Variants in GPR158 observed in about 807,000 individuals in gnomAD.
GPR158 encodes the protein metabotropic glycine receptor.
A neutral mutation model predicts 78.2 loss-of-function variants in GPR158; 30 were observed. That is an observed-to-expected ratio of 0.38 (90% CI 0.29 to 0.52). The LOEUF (loss-of-function observed/expected upper bound fraction) is 0.52. GPR158 is among the 20% of genes least tolerant of loss of function. The pLI, the probability that GPR158 is intolerant of heterozygous loss-of-function variation, is 0.83. For missense variants in GPR158, 1,463 were observed against 1,523.5 expected, an observed-to-expected ratio of 0.96 and a Z score of 0.66; for synonymous variants, 581 against 591.1, an observed-to-expected ratio of 0.98 and a Z score of 0.25.
chr10:25,328,642 A>G (rs187266935), intron 2 of GPR158, among the ~76,000 whole-genome samples: 315 of 152,192 alleles, frequency 2.1e-3, no homozygotes, highest in Non-Finnish European at 3.4e-3. Flanking sequence ...AAATGAATCA[A>G]TTGGCCGGGC....
At chr10:25,508,874 G>A (rs1272560232) in intron 5 of GPR158, among the ~76,000 whole-genome samples, 1 of 152,190 alleles carries the variant, frequency 6.6e-6, no homozygotes, top group African/African-American at 2.4e-5. Context: ...TTTAGCCACA[G>A]GGAGTCCATT....
intron 6 of GPR158, among the ~76,000 whole-genome samples, chr10:25,552,759 T>G (rs1000519223): frequency 1.4e-4 from 22 of 152,344 alleles, no homozygotes; most frequent in Non-Finnish European, 3.1e-4. Context: ...TGACTCACTG[T>G]GCTGTACCTC....
At chr10:25,209,563 C>A (rs1360223723) in intron 1 of GPR158, among the ~76,000 whole-genome samples, 1 of 152,122 alleles carries the variant, frequency 6.6e-6, no homozygotes, top group African/African-American at 2.4e-5. Context: ...TAGGGACACA[C>A]ACACACAATT....
chr10:25,212,776 C>T (rs1022950368), intron 1 of GPR158, among the ~76,000 whole-genome samples: 6 of 151,590 alleles, frequency 4.0e-5, no homozygotes, highest in Middle Eastern at 3.2e-3. Context: ...GGAGTACAGG[C>T]GCCCGCCACC....
At chr10:25,275,285 A>C (rs1854168672) in intron 2 of GPR158, among the ~76,000 whole-genome samples, 1 of 152,158 alleles carries the variant, frequency 6.6e-6, no homozygotes, top group African/African-American at 2.4e-5. Flanking sequence ...AAGGTTTTTG[A>C]AGTCCACCCC....
chr10:25,183,533 G>A (rs946060730), intron 1 of GPR158, among the ~76,000 whole-genome samples: 3 of 151,994 alleles, frequency 2.0e-5, no homozygotes, highest in Non-Finnish European at 4.4e-5. Context: ...TGTACAAGGT[G>A]GCAGCTTCTG....
At chr10:25,538,511 T>C (rs537294545) in intron 5 of GPR158, among the ~76,000 whole-genome samples, 1 of 152,298 alleles carries the variant, frequency 6.6e-6, no homozygotes, top group African/African-American at 2.4e-5. Flanking sequence ...AGATGGGTTT[T>C]CACTATACTG....
chr10:25,268,154 C>T (rs1854067262), intron 2 of GPR158, among the ~76,000 whole-genome samples: 2 of 151,974 alleles, frequency 1.3e-5, no homozygotes, highest in Non-Finnish European at 2.9e-5. Flanking sequence ...TTTTTGAATA[C>T]TCTCTATATA....
intron 1 of GPR158, among the ~76,000 whole-genome samples, chr10:25,191,289 G>A (rs774296825): frequency 6.6e-5 from 10 of 152,202 alleles, no homozygotes; most frequent in Non-Finnish European, 1.2e-4. Flanking sequence ...GGGAGTTGGT[G>A]ACCATCACTT....
chr10:25,280,488 T>G (rs1312758182), intron 2 of GPR158, among the ~76,000 whole-genome samples: 1 of 152,180 alleles, frequency 6.6e-6, no homozygotes, highest in Non-Finnish European at 1.5e-5. Flanking sequence ...ATTGATAGAA[T>G]TTCTTGGAGA....
At chr10:25,552,721 C>T (rs923027415) in intron 6 of GPR158, among the ~76,000 whole-genome samples, 5 of 152,184 alleles carry the variant, frequency 3.3e-5, no homozygotes, top group African/African-American at 1.2e-4. Flanking sequence ...CCGTCATTCT[C>T]TCCACACATA....
rs546188413 is a variant in GPR158, at chr10:25,285,364, A to C, written c.1008+64207A>C. ...GGAGATTTAGTGGGGGGATTGGCTCATGTGATTATGGAGGCCTCAGCCTCA... is the reference window on the plus strand; with the variant it reads ...GGAGATTTAGTGGGGGGATTGGCTCCTGTGATTATGGAGGCCTCAGCCTCA... On this transcript the variant is annotated intron_variant, in intron 2 of 10. Coordinates refer to ENST00000376351, the MANE Select transcript of GPR158 (RefSeq NM_020752.3). Among the ~76,000 whole-genome samples the C allele has an allele frequency of 3.9e-5, 6 of 152,108 alleles. No individual in the cohort carries two copies. In the South Asian group the frequency reaches 1.0e-3, roughly 26 times the overall value.
At chr10:25,333,738 T>C (rs1315064805) in intron 2 of GPR158, among the ~76,000 whole-genome samples, 1 of 152,216 alleles carries the variant, frequency 6.6e-6, no homozygotes, top group Admixed American at 6.5e-5. Flanking sequence ...TCAGCAGTTG[T>C]CTACCAATAT....
At chr10:25,273,698 G>A (rs1854146914) in intron 2 of GPR158, among the ~76,000 whole-genome samples, 1 of 151,492 alleles carries the variant, frequency 6.6e-6, no homozygotes. Flanking sequence ...TTATTTTTTT[G>A]AGACAGGTTT....
chr10:25,306,992 C>T (rs1854686083), intron 2 of GPR158, among the ~76,000 whole-genome samples: 1 of 147,740 alleles, frequency 6.8e-6, no homozygotes, highest in South Asian at 2.1e-4. Context: ...GTCACACACA[C>T]ACACACATAC....
At chr10:25,282,154 T>C (rs1413686562) in intron 2 of GPR158, among the ~76,000 whole-genome samples, 1 of 152,160 alleles carries the variant, frequency 6.6e-6, no homozygotes, top group African/African-American at 2.4e-5. Flanking sequence ...CCTAGACCCC[T>C]GGTAACCACT....
chr10:25,335,645 G>A (rs1855187555), intron 2 of GPR158, among the ~76,000 whole-genome samples: 2 of 151,966 alleles, frequency 1.3e-5, no homozygotes. Context: ...CTGAAGGAAT[G>A]GCTATTGTAA....
intron 2 of GPR158, among the ~76,000 whole-genome samples, chr10:25,370,851 C>G (rs1833978550): frequency 6.6e-6 from 1 of 151,720 alleles, no homozygotes. Context: ...TCTGGATGCT[C>G]CTGTATTGGG....
intron 2 of GPR158, among the ~76,000 whole-genome samples, chr10:25,251,477 C>T (rs1853799117): frequency 6.6e-6 from 1 of 151,556 alleles, no homozygotes; most frequent in Non-Finnish European, 1.5e-5. Flanking sequence ...ATGTTTAGCG[C>T]TTCCTTCAGG....
Sources: gnomAD v4.1 joint callset for allele counts (sites outside exome capture counted in the v4.1 genomes callset) on GRCh38, gnomAD v4.1.1 for gene constraint, MANE v1.5 for transcripts, NCBI Gene and HGNC (gene_info 2026-07-23, HGNC 2026-07-21) for gene names.